MYRFL: variants seen among roughly 807,000 people sequenced by gnomAD.
The protein encoded by MYRFL is myelin regulatory factor like, also known as myelin regulatory factor-like protein.
MYRFL carries 88 observed loss-of-function variants against 109.4 expected under a neutral mutation model. The ratio of observed to expected loss-of-function variants is 0.80; its 90% CI spans 0.68 to 0.96. MYRFL has a LOEUF of 0.96. Among genes scored for constraint, MYRFL ranks in the 40% least tolerant of loss-of-function variants. MYRFL has a pLI of 0.00. For missense variants in MYRFL, 957 were observed against 954.9 expected, an observed-to-expected ratio of 1.00 and a Z score of -0.03; for synonymous variants, 324 against 320.9, an observed-to-expected ratio of 1.01 and a Z score of -0.10.
intron 16 of MYRFL, among the ~76,000 whole-genome samples, chr12:69,935,569 C>T (rs1161475003): frequency 6.6e-6 from 1 of 152,204 alleles, no homozygotes. Context: ...TACTTTCTTG[C>T]AGTTCTTTTC....
intron 19 of MYRFL, among the ~76,000 whole-genome samples, chr12:69,938,614 T>C (rs1324246215): frequency 6.6e-6 from 1 of 152,144 alleles, no homozygotes; most frequent in Non-Finnish European, 1.5e-5. Context: ...CAGGCTAATG[T>C]GTATATTTGC....
At chr12:69,865,923 A>G (rs1274927460) in intron 2 of MYRFL, among the ~76,000 whole-genome samples, 3 of 151,964 alleles carry the variant, frequency 2.0e-5, no homozygotes, top group South Asian at 4.2e-4. Context: ...TCATATATTC[A>G]CTTATTTAAT....
intron 1 of MYRFL, among the ~76,000 whole-genome samples, chr12:69,834,985 T>C (rs1236414173): frequency 6.6e-6 from 1 of 152,204 alleles, no homozygotes; most frequent in Non-Finnish European, 1.5e-5. Context: ...ATATTGTTAT[T>C]ATTGTCCTGT....
intron 13 of MYRFL, among the ~76,000 whole-genome samples, chr12:69,917,358 T>A: frequency 6.8e-6 from 1 of 146,104 alleles, no homozygotes; most frequent in African/African-American, 2.5e-5. Context: ...TGTCCCTAAC[T>A]GAAATCATCT....
intron 6 of MYRFL, among the ~76,000 whole-genome samples, chr12:69,889,229 C>A (rs1592761255): frequency 6.6e-6 from 1 of 151,932 alleles, no homozygotes; most frequent in South Asian, 2.1e-4. Flanking sequence ...AGAAGAAACC[C>A]ACATTTAGGA....
intron 2 of MYRFL, among the ~76,000 whole-genome samples, chr12:69,862,541 C>T (rs1197458774): frequency 6.7e-6 from 1 of 150,144 alleles, no homozygotes; most frequent in African/African-American, 2.4e-5. Context: ...CATGATTTGG[C>T]TCTCCGTTTG....
At chr12:69,855,058 A>G (rs1009067131) in intron 1 of MYRFL, among the ~76,000 whole-genome samples, 1 of 152,218 alleles carries the variant, frequency 6.6e-6, no homozygotes, top group African/African-American at 2.4e-5. Flanking sequence ...TTCTTGTTGA[A>G]CTTAACTGGA....
chr12:69,929,780 C>T (rs926114095), intron 15 of MYRFL, among the ~76,000 whole-genome samples: 2 of 151,926 alleles, frequency 1.3e-5, no homozygotes, highest in African/African-American at 2.4e-5. Flanking sequence ...TGTGTGATCT[C>T]GAGTGAAACT....
At chr12:69,891,620 TTTCCTC>T (rs1566002138) in intron 7 of MYRFL, among the ~76,000 whole-genome samples, 5 of 117,670 alleles carry the variant, frequency 4.2e-5, no homozygotes, top group African/African-American at 2.1e-4. Flanking sequence ...TCTTTCTTTC[TTTCCTC>T]CTTCCTTTCT....
At chr12:69,918,447 A>G (rs1954815353) in intron 13 of MYRFL, among the ~76,000 whole-genome samples, 1 of 152,206 alleles carries the variant, frequency 6.6e-6, no homozygotes, top group African/African-American at 2.4e-5. Context: ...GAATAGGATC[A>G]ATAAGGAAAT....
chr12:69,826,954 T>A (rs1268676061), intron 1 of MYRFL, among the ~76,000 whole-genome samples: 4 of 152,092 alleles, frequency 2.6e-5, no homozygotes, highest in Non-Finnish European at 1.5e-5. Context: ...TTTAATAATT[T>A]CCTTTCTCTT....
chr12:69,893,223 G>A (rs1887022417), intron 7 of MYRFL, among the ~76,000 whole-genome samples: 1 of 152,220 alleles, frequency 6.6e-6, no homozygotes, highest in Non-Finnish European at 1.5e-5. Flanking sequence ...GATCTCACAA[G>A]TCTTTTCCAA....
chr12:69,859,354 A>G (rs945954193), intron 2 of MYRFL, among the ~76,000 whole-genome samples: 8 of 152,168 alleles, frequency 5.3e-5, no homozygotes, highest in African/African-American at 1.7e-4. Context: ...CAGTTAGGTC[A>G]AGTTGGTTGA....
intron 1 of MYRFL, among the ~76,000 whole-genome samples, chr12:69,852,934 CAGA>C (rs1408039907): frequency 4.6e-4 from 70 of 152,154 alleles, no homozygotes; most frequent in African/African-American, 1.6e-3. Flanking sequence ...CATCCCAAGG[CAGA>C]AGAATTTTTC....
At chr12:69,927,629 C>A in intron 14 of MYRFL, 56 bp from the exon 15 acceptor site, 2 of 1,314,138 alleles carry the variant, frequency 1.5e-6, no homozygotes, top group South Asian at 2.7e-5. Flanking sequence ...GGGCCTTTGT[C>A]ATGTATCTCC....
chr12:69,879,889 T>C lies in MYRFL; in HGVS notation c.465-312T>C, dbSNP rs143038524. Among the ~76,000 whole-genome samples, 9 of 152,338 alleles carry C rather than the reference T, an allele frequency of 5.9e-5. No individual in the cohort carries two copies. In the East Asian group the frequency reaches 1.7e-3, roughly 29 times the overall value. On this transcript the variant is annotated intron_variant, in intron 4 of 24. Coordinates refer to ENST00000552032, the MANE Select transcript of MYRFL (RefSeq NM_182530.3). ...AGAGTGCCAGAAAGAGTAAAGGCTA[T>C]CAAAAATTGTGGTAAAACTCCACAT...
intron 20 of MYRFL, 115 bp downstream of exon 20, chr12:69,952,290 C>A: frequency 1.2e-6 from 1 of 868,124 alleles, no homozygotes; most frequent in Non-Finnish European, 1.8e-6. Flanking sequence ...GCCTGCCTGC[C>A]ACGCATATCC....
chr12:69,828,286 T>C (rs1187638049), intron 1 of MYRFL, among the ~76,000 whole-genome samples: 2 of 152,210 alleles, frequency 1.3e-5, no homozygotes, highest in African/African-American at 4.8e-5. Context: ...TTTTTATATA[T>C]AGATATGCAA....
intron 9 of MYRFL, among the ~76,000 whole-genome samples, chr12:69,896,812 A>G (rs1954009250): frequency 6.6e-6 from 1 of 152,196 alleles, no homozygotes; most frequent in Non-Finnish European, 1.5e-5. Context: ...TCAGGACTGC[A>G]GCGTAGAGAG....
Sources: allele counts gnomAD v4.1 joint callset (sites outside exome capture counted in the v4.1 genomes callset), GRCh38; gene constraint gnomAD v4.1.1; transcripts MANE v1.5; gene names NCBI Gene and HGNC (gene_info 2026-07-23, HGNC 2026-07-21).